ETS2: variants seen among roughly 807,000 people sequenced by gnomAD.
ETS2 encodes the protein protein C-ets-2.
A neutral mutation model predicts 54.9 loss-of-function variants in ETS2; 19 were observed. That is an observed-to-expected ratio of 0.35 (90% CI 0.24 to 0.51). ETS2 has a LOEUF of 0.51. Ranked by LOEUF, ETS2 falls within the 20% of genes least tolerant of loss-of-function variation. The pLI, the probability that ETS2 is intolerant of heterozygous loss-of-function variation, is 0.97. For synonymous variants in ETS2, 219 were observed against 229.3 expected (o/e 0.95, Z 0.41); for missense variants, 417 against 593.0 (o/e 0.70, Z 3.08).
In ETS2 at chr21:38,806,207, G is replaced by A. The variant is rs980527069; in HGVS notation, c.-1+87G>A. The stretch of plus-strand genomic sequence containing the variant: ...GGGGCCTGGGCGGGGGTCGCGGGGG[G>A]CACTGACACGCAGATCTCGGGGCGC... On this transcript the variant is annotated intron_variant, in intron 1 of 9. Coordinates refer to ENST00000360938, the MANE Select transcript of ETS2 (RefSeq NM_005239.6). The surrounding 1 kb of genome is among the most constrained non-coding windows in gnomAD (Gnocchi z 4.3). 6.0e-6 allele frequency: 6 copies of A among 992,780 alleles called. No individual in the cohort carries two copies. The highest frequency in any genetic ancestry group is 6.0e-6 in the Non-Finnish European group (5 of 835,232). 61.5% of individuals were successfully genotyped at this position (992,780 alleles called of 1,614,324 possible). A position where few individuals can be genotyped will look rare whatever the true frequency, so the allele number is the denominator to read the frequency against.
chr21:38,813,149 G>T, intron 3 of ETS2, 35 bp downstream of exon 3: 6 of 1,337,870 alleles, frequency 4.5e-6, no homozygotes, highest in Non-Finnish European at 6.5e-6. Context: ...AATTGTGCAT[G>T]ATTTTCCTAA....
At position 38,823,084 on chromosome 21, in the gene ETS2, C is replaced by G; in HGVS notation, c.*195C>G. ...CTCCCTTGTGGCAGCAACGGCACAG[C>G]TAATTCTACTCACAGTGCTTTTAAG... On this transcript the variant is annotated 3_prime_UTR_variant, in exon 10 of 10. Transcript: ENST00000360938. 2.2e-6 allele frequency: 1 copy of G among 457,856 alleles called. No individual in the cohort carries two copies. Among genetic ancestry groups the G allele is most frequent in the Non-Finnish European group, 3.8e-6 (1 of 260,894 alleles). The allele number at this position is 457,856 out of a possible 1,614,324, so 28.4% of individuals were successfully genotyped here.
At chr21:38,819,462 T>A in intron 7 of ETS2, 41 bp from the exon 8 acceptor site, 1 of 1,605,808 alleles carries the variant, frequency 6.2e-7, no homozygotes, top group Non-Finnish European at 8.5e-7. Context: ...ACCAACTGTG[T>A]CCTGGAGGAA....
In ETS2 at chr21:38,808,738, C is replaced by T. The variant is rs2060903157; in HGVS notation, c.1-1297C>T. On this transcript the variant is annotated intron_variant, in intron 1 of 9. Coordinates refer to ENST00000360938, the MANE Select transcript of ETS2 (RefSeq NM_005239.6). Reference sequence around the variant, plus strand: ...GTTCGGTGAGCCTTTGTTATTTCGCCACATCCAGTAAGTTCTATCAGTTGA... The same window carrying T: ...GTTCGGTGAGCCTTTGTTATTTCGCTACATCCAGTAAGTTCTATCAGTTGA... Among the ~76,000 whole-genome samples the T allele has an allele frequency of 2.0e-5, 3 of 152,120 alleles. No homozygotes were observed. The South Asian group carries it at 6.2e-4, about 31-fold the overall frequency.
chr21:38,817,784 G>A (rs1414654249), intron 6 of ETS2, among the ~76,000 whole-genome samples: 1 of 152,104 alleles, frequency 6.6e-6, no homozygotes, highest in Non-Finnish European at 1.5e-5. Flanking sequence ...GTGTTGGTCC[G>A]GCCCAGTGTT....
At chr21:38,805,541 C>T (rs1205415451), upstream of ETS2, 2 of 1,286,118 alleles carry the variant, frequency 1.6e-6, no homozygotes, top group South Asian at 2.5e-5. The surrounding 1 kb of genome is among the most constrained non-coding windows in gnomAD (Gnocchi z 5.2). Flanking sequence ...GCACGTGGGG[C>T]CGAGGCCCTG....
intron 7 of ETS2, 106 bp downstream of exon 7, chr21:38,818,752 AG>A: frequency 7.7e-7 from 1 of 1,293,986 alleles, no homozygotes; most frequent in East Asian, 2.3e-5. Flanking sequence ...CCATTAGAGA[AG>A]GGGGTCAAAG....
At chr21:38,809,892 AT>A (rs2060907241) in intron 1 of ETS2, 142 bp from the exon 2 acceptor site, 1 of 593,744 alleles carries the variant, frequency 1.7e-6, no homozygotes, top group Non-Finnish European at 3.0e-6. Flanking sequence ...GAGGACAGCC[AT>A]TTAAACAAGA....
Position 38,822,694 on chromosome 21 carries a change from G to A in ETS2, c.1215G>A (p.Lys405=). The part of the protein sequence containing the change: ...DPDEVARRWG[K]RKNKPKMNYE... The stretch of plus-strand genomic sequence containing the variant: ...CAAAGGTGGCCCGCCGGTGGGGAAA[G>A]AGGAAAAATAAGCCCAAGATGAACT... The change falls in exon 10 of 10, where the codon AAG becomes AAA. Residue 405 remains lysine, a synonymous_variant. Transcript: ENST00000360938. 1 of 1,613,932 alleles carries A rather than the reference G, an allele frequency of 6.2e-7. No individual in the cohort carries two copies. The highest frequency in any genetic ancestry group is 8.5e-7 in the Non-Finnish European group (1 of 1,179,886).
rs114481523 is a variant in ETS2 at position 38,814,360 on chromosome 21, A to G, written c.272A>G (p.Lys91Arg). ...QALKATFSGF[K>R]KEQRRLGIPK... ...TTAAAAGCTACCTTCAGTGGCTTCA[A>G]AAAGGAACAGCGGCGCCTGGGCATT... is the stretch of plus-strand genomic sequence containing the variant. The change falls in exon 4 of 10, where the codon AAA becomes AGA. Residue 91 changes from lysine to arginine, a missense_variant. Lys to Arg is a conservative substitution (Grantham distance 26, BLOSUM62 2). Around this residue, in one of 3 missense-constraint regions of ETS2, gnomAD observed 326 missense variants for 426.1 expected, o/e 0.76. Coordinates refer to ENST00000360938, the MANE Select transcript of ETS2 (RefSeq NM_005239.6). The surrounding 1 kb of genome is among the most constrained non-coding windows in gnomAD (Gnocchi z 4.2). 60 of 1,614,152 alleles carry G rather than the reference A, an allele frequency of 3.7e-5. No individual in the cohort carries two copies. In the African/African-American group the frequency reaches 7.3e-4, roughly 20 times the overall value.
Position 38,814,495 on chromosome 21 carries a change from C to A in ETS2, c.304+103C>A. 3 of 1,405,674 alleles carry A rather than the reference C, an allele frequency of 2.1e-6. No individual in the cohort carries two copies. The highest frequency in any genetic ancestry group is 2.3e-5 in the East Asian group (1 of 43,526). The allele number at this position is 1,405,674 out of a possible 1,614,324, so 87.1% of individuals were successfully genotyped here. ...TTAAGCTTTTGCTTGGGGTATTCTGCAAAGAGTAGCATGGATGTCGTTAAC... is the reference window on the plus strand; with the variant it reads ...TTAAGCTTTTGCTTGGGGTATTCTGAAAAGAGTAGCATGGATGTCGTTAAC... On this transcript the variant is annotated intron_variant, in intron 4 of 9. Coordinates refer to ENST00000360938, the MANE Select transcript of ETS2 (RefSeq NM_005239.6). This position sits in a 1 kb window ranked among gnomAD's most constrained non-coding sequence, Gnocchi z 4.2.
At position 38,814,872 on chromosome 21, in the gene ETS2, C is replaced by A. The variant is rs142958770; in HGVS notation, c.396C>A (p.Phe132Leu). The change falls in exon 5 of 10, where the codon TTC becomes TTA. Residue 132 changes from phenylalanine to leucine, a missense_variant. By Grantham distance (22) the Phe-to-Leu change is conservative. Transcript: ENST00000360938. This position sits in a 1 kb window ranked among gnomAD's most constrained non-coding sequence, Gnocchi z 4.2. ...TGGTGAACGTGAATCTGCAGAGGTTCGGCATGAATGGCCAGATGCTGTGTA... is the reference window on the plus strand; with the variant it reads ...TGGTGAACGTGAATCTGCAGAGGTTAGGCATGAATGGCCAGATGCTGTGTA... ...FSLVNVNLQR[F>L]GMNGQMLCNL... 1 of 1,614,162 alleles carries A rather than the reference C, an allele frequency of 6.2e-7. No individual in the cohort carries two copies. Among genetic ancestry groups the A allele is most frequent in the South Asian group, 1.1e-5 (1 of 91,080 alleles).
chr21:38,812,859 CTGACTGGTTGATTCCATGTTTGCT>C (rs1305526484), intron 2 of ETS2, 120 bp from the exon 3 acceptor site: 2 of 623,002 alleles, frequency 3.2e-6, no homozygotes, highest in Non-Finnish European at 5.9e-6. Flanking sequence ...GTTTTAAGGA[CTGACTGGTTGATTCCATGTTTGCT>C]TCAAAATTGC....
intron 1 of ETS2, among the ~76,000 whole-genome samples, chr21:38,808,827 A>T (rs139551402): frequency 3.9e-5 from 6 of 152,360 alleles, no homozygotes; most frequent in African/African-American, 1.4e-4. Flanking sequence ...AGTGGAGGCC[A>T]TGGAGCTAGG....
upstream of ETS2, chr21:38,805,446 T>C (rs1314145369): frequency 7.8e-7 from 1 of 1,288,488 alleles, no homozygotes; most frequent in Non-Finnish European, 1.0e-6. The surrounding 1 kb of genome is among the most constrained non-coding windows in gnomAD (Gnocchi z 5.2). Flanking sequence ...CAAAGGCAGG[T>C]TTGGCGTTAG....
Position 38,821,913 on chromosome 21 carries a change from A to G in ETS2, c.1194+209A>G, listed in dbSNP as rs965701128. Among the ~76,000 whole-genome samples, 1 of 152,214 alleles carries G rather than the reference A, an allele frequency of 6.6e-6. No homozygotes were observed. Among genetic ancestry groups the G allele is most frequent in the African/African-American group, 2.4e-5 (1 of 41,456 alleles). On this transcript the variant is annotated intron_variant, in intron 9 of 9. Transcript: ENST00000360938. The surrounding 1 kb of genome is among the most constrained non-coding windows in gnomAD (Gnocchi z 4.2). ...AGTGTTTTCTGGGTATGCTTCATAC[A>G]AGGGCGTTGCACAGATTTCACTGTC...
Position 38,819,886 on chromosome 21 carries a change from T to C in ETS2, c.1075+120T>C, listed in dbSNP as rs1027036176. ...TTCTAAGCTAGGTACACCAGTGCTC[T>C]ACACTCCATGTTTTATGCGTGGCTT... On this transcript the variant is annotated intron_variant, in intron 8 of 9. Transcript: ENST00000360938. The C allele has an allele frequency of 1.3e-5, 12 of 949,690 alleles. No homozygotes were observed. The African/African-American group carries it at 1.3e-4, about 10-fold the overall frequency. 58.8% of individuals were successfully genotyped at this position (949,690 alleles called of 1,614,324 possible).
rs750799012 is a variant in ETS2, at chr21:38,813,075, C to T, written c.145C>T (p.Leu49=). The change falls in exon 3 of 10, where the codon CTG becomes TTG. Residue 49 remains leucine, a synonymous_variant. Coordinates refer to ENST00000360938, the MANE Select transcript of ETS2 (RefSeq NM_005239.6). ...TCCTTCTCTAAATGAAGAGCAAACA[C>T]TGCAAGAAGTGCCAACAGGCTTGGA... ...VFPSLNEEQT[L]QEVPTGLDSI... 1.9e-6 allele frequency: 3 copies of T among 1,613,768 alleles called. No individual in the cohort carries two copies. Among genetic ancestry groups the T allele is most frequent in the East Asian group, 2.2e-5 (1 of 44,900 alleles).
Position 38,806,459 on chromosome 21 carries a change from G to C in ETS2, c.-1+339G>C. The C allele has an allele frequency of 1.0e-6, 1 of 985,570 alleles. No homozygotes were observed. The highest frequency in any genetic ancestry group is 1.2e-6 in the Non-Finnish European group (1 of 830,062). The allele number at this position is 985,570 out of a possible 1,614,324, so 61.1% of individuals were successfully genotyped here. ...GCTTTTGTTTTTAAAAGGAAACGCA[G>C]GCCTGGTAGGGGGTCCTGCCCAGTG... On this transcript the variant is annotated intron_variant, in intron 1 of 9. Coordinates refer to ENST00000360938, the MANE Select transcript of ETS2 (RefSeq NM_005239.6). The surrounding 1 kb of genome is among the most constrained non-coding windows in gnomAD (Gnocchi z 4.3).
Sources: allele counts gnomAD v4.1 joint callset (sites outside exome capture counted in the v4.1 genomes callset), GRCh38; gene constraint gnomAD v4.1.1; regional missense constraint gnomAD v4.1.1; non-coding constraint Gnocchi (gnomAD v3.1); transcripts MANE v1.5; gene names NCBI Gene and HGNC (gene_info 2026-07-23, HGNC 2026-07-21).